The following IGFL2 variants were observed in gnomAD, a reference collection of about 807,000 sequenced individuals.
IGFL2 encodes insulin growth factor-like family member 2.
A neutral mutation model predicts 13.9 loss-of-function variants in IGFL2; 7 were observed. The observed-to-expected ratio is 0.51, with a 90% CI of 0.29 to 0.95. The LOEUF (loss-of-function observed/expected upper bound fraction) is 0.95, where lower values mean the gene tolerates loss of function less well. Ranked by LOEUF, IGFL2 falls within the 40% of genes least tolerant of loss-of-function variation. The pLI is 0.08. For synonymous variants in IGFL2, 55 were observed against 55.8 expected, an observed-to-expected ratio of 0.99 and a Z score of 0.07; for missense variants, 138 against 147.8, an observed-to-expected ratio of 0.93 and a Z score of 0.34.
chr19:46,111,875 C>T, the IGFL2 span: 1 of 152,184 alleles, frequency 6.6e-6, no homozygotes, highest in Non-Finnish European at 1.5e-5. Flanking sequence ...CCAAACCTCA[C>T]CATTATGAAG....
the IGFL2 span, among the ~76,000 whole-genome samples, chr19:46,080,576 C>T: frequency 2.0e-5 from 3 of 152,148 alleles, no homozygotes; most frequent in Non-Finnish European, 4.4e-5. Context: ...CTGTGTAAAT[C>T]ATGAGTTAAA....
chr19:46,101,450 G>A, the IGFL2 span, among the ~76,000 whole-genome samples: 2,773 of 152,202 alleles, frequency 0.018, 94 homozygotes, highest in African/African-American at 0.062. Context: ...GGGAGGCCTC[G>A]CCCAGTGAGG....
the IGFL2 span, among the ~76,000 whole-genome samples, chr19:46,101,724 C>A: frequency 1.3e-5 from 2 of 152,170 alleles, no homozygotes; most frequent in Non-Finnish European, 2.9e-5. Flanking sequence ...TGGCCCTCCT[C>A]CCCAGAACTC....
chr19:46,092,897 A>C, the IGFL2 span, among the ~76,000 whole-genome samples: 7 of 152,200 alleles, frequency 4.6e-5, no homozygotes, highest in African/African-American at 1.7e-4. Context: ...ATGGCTCCAA[A>C]ATGTTTTTGG....
the IGFL2 span, among the ~76,000 whole-genome samples, chr19:46,194,850 ATATTTTTTTTTTT>A: frequency 1.1e-4 from 4 of 35,616 alleles, no homozygotes; most frequent in South Asian, 1.1e-3. Flanking sequence ...ATATATATAT[ATATTTTTTTTTTT>A]TTTTTTTTTT....
At chr19:46,132,223 G>A in the IGFL2 span, among the ~76,000 whole-genome samples, 6 of 152,152 alleles carry the variant, frequency 3.9e-5, no homozygotes, top group East Asian at 1.2e-3. Flanking sequence ...CTCTTTTTCT[G>A]AGCAACTTTG....
At chr19:46,104,850 A>G in the IGFL2 span, among the ~76,000 whole-genome samples, 2 of 152,290 alleles carry the variant, frequency 1.3e-5, no homozygotes, top group Non-Finnish European at 2.9e-5. Context: ...TGAAAAGATG[A>G]CAGAATAGAA....
At chr19:46,185,975 G>A in the IGFL2 span, among the ~76,000 whole-genome samples, 1 of 152,044 alleles carries the variant, frequency 6.6e-6, no homozygotes, top group South Asian at 2.1e-4. Flanking sequence ...GGGCGTCATC[G>A]GCCCGGCCTC....
At chr19:46,166,655 G>A in the IGFL2 span, among the ~76,000 whole-genome samples, 8 of 152,086 alleles carry the variant, frequency 5.3e-5, no homozygotes, top group Non-Finnish European at 8.8e-5. Context: ...CTGCAATCTC[G>A]ACCATAAGAG....
the IGFL2 span, among the ~76,000 whole-genome samples, chr19:46,105,511 C>A: frequency 6.6e-6 from 1 of 152,048 alleles, no homozygotes; most frequent in African/African-American, 2.4e-5. Context: ...CAAGTTAGAT[C>A]AGAGAGATAC....
At chr19:46,124,474 T>A in the IGFL2 span, 1 of 1,143,338 alleles carries the variant, frequency 8.7e-7, no homozygotes, top group Non-Finnish European at 1.3e-6. Context: ...AGGCAGGCCC[T>A]GAGCAGCACG....
chr19:46,107,755 T>C, the IGFL2 span, among the ~76,000 whole-genome samples: 164 of 152,316 alleles, frequency 1.1e-3, no homozygotes, highest in African/African-American at 3.8e-3. Context: ...CTTTTTCTAA[T>C]ATCGGGACTG....
chr19:46,093,449 A>G, the IGFL2 span, among the ~76,000 whole-genome samples: 1 of 152,200 alleles, frequency 6.6e-6, no homozygotes, highest in South Asian at 2.1e-4. Context: ...CTAATGTCAT[A>G]TTTAATGGTA....
the IGFL2 span, among the ~76,000 whole-genome samples, chr19:46,185,004 A>G: frequency 2.0e-5 from 3 of 152,150 alleles, no homozygotes; most frequent in Admixed American, 6.5e-5. Flanking sequence ...ACTAGTGATG[A>G]TGAGCATTTT....
chr19:46,208,823 A>G, the IGFL2 span: 3 of 152,212 alleles, frequency 2.0e-5, no homozygotes, highest in Admixed American at 6.5e-5. Flanking sequence ...CTTGGCGTGC[A>G]GAACTATGAG....
the IGFL2 span, chr19:46,124,054 A>C: frequency 6.2e-7 from 1 of 1,611,624 alleles, no homozygotes; most frequent in Non-Finnish European, 8.5e-7. Flanking sequence ...CTTTAAGGAT[A>C]AGATGGCATC....
chr19:46,197,678 T>C, the IGFL2 span, among the ~76,000 whole-genome samples: 1 of 152,116 alleles, frequency 6.6e-6, no homozygotes, highest in Admixed American at 6.5e-5. Context: ...ACCACAGGTG[T>C]GCACCACTGT....
At chr19:46,087,235 A>T in the IGFL2 span, among the ~76,000 whole-genome samples, 1 of 152,178 alleles carries the variant, frequency 6.6e-6, no homozygotes, top group Admixed American at 6.5e-5. Flanking sequence ...AGACCCAAGC[A>T]GTCTGTGCTG....
At chr19:46,131,418 C>T in the IGFL2 span, among the ~76,000 whole-genome samples, 1 of 152,186 alleles carries the variant, frequency 6.6e-6, no homozygotes, top group African/African-American at 2.4e-5. Flanking sequence ...TTTCTAAACC[C>T]TCCTCCTAAA....
Sources: allele counts gnomAD v4.1 joint callset (sites outside exome capture counted in the v4.1 genomes callset), GRCh38; gene constraint gnomAD v4.1.1; transcripts MANE v1.5; gene names NCBI Gene and HGNC (gene_info 2026-07-23, HGNC 2026-07-21).